Variants in SNU13 observed in about 807,000 individuals in gnomAD.
The protein encoded by SNU13 is NHP2-like protein 1.
Under a neutral mutation model 12.4 loss-of-function variants are expected in SNU13, and 2 were observed. The ratio of observed to expected loss-of-function variants is 0.16; its 90% confidence interval spans 0.07 to 0.51. The LOEUF is 0.51. Among genes scored for constraint, SNU13 ranks in the 20% least tolerant of loss-of-function variants. The pLI is 0.96. For missense variants in SNU13, 66 were observed against 157.8 expected (o/e 0.42, Z 3.12); for synonymous variants, 68 against 66.5 (o/e 1.02, Z -0.11).
Position 41,686,179 on chromosome 22 carries a change from T to C in SNU13, c.3+2615A>G, listed in dbSNP as rs527348071. Among the ~76,000 whole-genome samples, 42 of 152,274 alleles carry C rather than the reference T, an allele frequency of 2.8e-4. No homozygotes were observed. In the South Asian group the frequency reaches 8.5e-3, roughly 31 times the overall value. Reference sequence around the variant, plus strand: ...AGTATTGGTATAATGGTTTCAAATTTTCCTTCTTTTGTGCCTTCTATTTGT... The same window carrying C: ...AGTATTGGTATAATGGTTTCAAATTCTCCTTCTTTTGTGCCTTCTATTTGT... On this transcript the variant is annotated intron_variant, in intron 1 of 2. Transcript: ENST00000401959.
intron 2 of SNU13, among the ~76,000 whole-genome samples, chr22:41,678,271 G>A (rs1325470018): frequency 2.0e-5 from 3 of 152,034 alleles, no homozygotes; most frequent in East Asian, 1.9e-4. Flanking sequence ...CACCGCGCCC[G>A]GCCTCTTACA....
chr22:41,677,463 T>G (rs1050142296), intron 2 of SNU13, among the ~76,000 whole-genome samples: 3 of 152,240 alleles, frequency 2.0e-5, no homozygotes, highest in African/African-American at 7.2e-5. Context: ...AGGTCGTGGC[T>G]GCAGTGAGCC....
chr22:41,690,215 A>AG (rs2068348927), upstream of SNU13, among the ~76,000 whole-genome samples: 1 of 152,230 alleles, frequency 6.6e-6, no homozygotes, highest in African/African-American at 2.4e-5. Flanking sequence ...TGGTTAAACA[A>AG]GAATACATGT....
intron 1 of SNU13, chr22:41,682,338 C>T: frequency 6.2e-7 from 1 of 1,610,266 alleles, no homozygotes; most frequent in Non-Finnish European, 8.5e-7. Flanking sequence ...GAGATAATGG[C>T]CCAGTAGGAA....
chr22:41,682,333 A>T, intron 1 of SNU13: 1 of 1,607,866 alleles, frequency 6.2e-7, no homozygotes, highest in East Asian at 2.2e-5. Context: ...ACCCGGAGAT[A>T]ATGGCCCAGT....
chr22:41,682,557 C>T, intron 1 of SNU13: 1 of 1,459,686 alleles, frequency 6.9e-7, no homozygotes, highest in Non-Finnish European at 9.0e-7. Context: ...AACTCCTTAT[C>T]TTAGGCGAAT....
Position 41,679,139 on chromosome 22 carries a change from T to A in SNU13, c.124+1105A>T, listed in dbSNP as rs563576932. On this transcript the variant is annotated intron_variant, in intron 2 of 2. Coordinates refer to ENST00000401959, the MANE Select transcript of SNU13 (RefSeq NM_001003796.2). ...AATAAGGCTGGGCAGCCGGGCACAG[T>A]GGCTCACGCCTGTAATCCCAGAATT... is the stretch of plus-strand genomic sequence containing the variant. Among the ~76,000 whole-genome samples the A allele has an allele frequency of 1.3e-4, 20 of 152,124 alleles. No individual in the cohort carries two copies. In the East Asian group the frequency reaches 1.9e-3, roughly 15 times the overall value.
At chr22:41,687,688 G>A (rs901409203) in intron 1 of SNU13, 1 of 152,164 alleles carries the variant, frequency 6.6e-6, no homozygotes, top group Non-Finnish European at 1.5e-5. Flanking sequence ...AAACTTGCAA[G>A]GTTTTGATTG....
At chr22:41,688,887 C>A, upstream of SNU13, 1 of 1,496,544 alleles carries the variant, frequency 6.7e-7, no homozygotes, top group Non-Finnish European at 9.0e-7. Flanking sequence ...ACAGAAGCAG[C>A]AGCGGAAATG....
At chr22:41,680,134 T>G (rs1035197894) in intron 2 of SNU13, 110 bp downstream of exon 2, 1 of 1,336,722 alleles carries the variant, frequency 7.5e-7, no homozygotes, top group African/African-American at 1.5e-5. Context: ...CTCCCACTGG[T>G]TGTAGTCGAG....
At chr22:41,682,527 G>C in intron 1 of SNU13, 1 of 1,514,782 alleles carries the variant, frequency 6.6e-7, no homozygotes, top group East Asian at 2.4e-5. Context: ...CCGTACACCA[G>C]GACGCCCTGT....
At chr22:41,675,744 C>CTT (rs113676499) in intron 2 of SNU13, among the ~76,000 whole-genome samples, 8 of 134,328 alleles carry the variant, frequency 6.0e-5, no homozygotes, top group Admixed American at 1.5e-4. Context: ...TTTTTTCTTT[C>CTT]TTTTTTTTTT....
At chr22:41,683,828 TAAATA>T (rs2068286580) in intron 1 of SNU13, among the ~76,000 whole-genome samples, 3 of 152,146 alleles carry the variant, frequency 2.0e-5, no homozygotes, top group Non-Finnish European at 4.4e-5. Flanking sequence ...TTGCCTGGGG[TAAATA>T]TCCAGGGTTT....
At chr22:41,682,751 G>C (rs2068276546) in intron 1 of SNU13, 1 of 259,188 alleles carries the variant, frequency 3.9e-6, no homozygotes, top group African/African-American at 2.3e-5. Flanking sequence ...CGCGATCTCG[G>C]CTCACTGCAG....
rs1802522 is a variant in SNU13 at position 41,675,017 on chromosome 22, G to T, written c.303C>A (p.Ala101=). 1.2e-6 allele frequency: 2 copies of T among 1,614,210 alleles called. No homozygotes were observed. The highest frequency in any genetic ancestry group is 2.7e-5 in the African/African-American group (2 of 75,064). ...AGCCTTCTTTGATGGTGACAGAACA[G>T]GCGATGACAGGCCTGGAGACCCCAC... ...RACGVSRPVI[A]CSVTIKEGSQ... is the part of the protein sequence containing the mutation. Residue 101 remains alanine, a synonymous_variant, in exon 3 of 3, where the codon GCC becomes GCA. Transcript: ENST00000401959.
chr22:41,677,668 T>C (rs925109684), intron 2 of SNU13, among the ~76,000 whole-genome samples: 5 of 152,198 alleles, frequency 3.3e-5, no homozygotes, highest in African/African-American at 1.2e-4. Context: ...AGTAAGATCA[T>C]AGCAATCTTG....
Position 41,674,802 on chromosome 22 carries a change from C to T in SNU13, c.*131G>A, listed in dbSNP as rs2147130216. On this transcript the variant is annotated 3_prime_UTR_variant, in exon 3 of 3. Coordinates refer to ENST00000401959, the MANE Select transcript of SNU13 (RefSeq NM_001003796.2). ...ACAGAACAAAAACAACACAAAAATCCAGAAACCAGATTTAGTACTACATTT... is the reference window on the plus strand; with the variant it reads ...ACAGAACAAAAACAACACAAAAATCTAGAAACCAGATTTAGTACTACATTT... The T allele has an allele frequency of 7.6e-7, 1 of 1,307,400 alleles. No individual in the cohort carries two copies. The highest frequency in any genetic ancestry group is 2.4e-5 in the East Asian group (1 of 41,486). 81.0% of individuals were successfully genotyped at this position (1,307,400 alleles called of 1,614,324 possible). A position where few individuals can be genotyped will look rare whatever the true frequency, so the allele number is the denominator to read the frequency against.
At chr22:41,687,151 G>A (rs897188151) in intron 1 of SNU13, among the ~76,000 whole-genome samples, 1 of 149,878 alleles carries the variant, frequency 6.7e-6, no homozygotes, top group African/African-American at 2.5e-5. Flanking sequence ...TAGAAACAGG[G>A]TTTCACTATG....
intron 1 of SNU13, among the ~76,000 whole-genome samples, chr22:41,683,465 T>G (rs1449764466): frequency 6.6e-6 from 1 of 152,132 alleles, no homozygotes; most frequent in Non-Finnish European, 1.5e-5. Flanking sequence ...GGTCGTGAAC[T>G]CCTGGCCTCA....
Sources: allele counts gnomAD v4.1 joint callset (sites outside exome capture counted in the v4.1 genomes callset), GRCh38; gene constraint gnomAD v4.1.1; transcripts MANE v1.5; gene names NCBI Gene and HGNC (gene_info 2026-07-23, HGNC 2026-07-21).